The following BAZ2B variants were observed in gnomAD, a reference collection of about 807,000 sequenced individuals.
The protein encoded by BAZ2B is bromodomain adjacent to zinc finger domain protein 2B.
A neutral mutation model predicts 246.0 loss-of-function variants in BAZ2B; 91 were observed. The observed-to-expected ratio is 0.37, with a 90% CI of 0.31 to 0.44. BAZ2B has a LOEUF of 0.44. Ranked by LOEUF, BAZ2B falls within the 20% of genes least tolerant of loss-of-function variation. The pLI, the probability that BAZ2B is intolerant of heterozygous loss-of-function variation, is 1.00. For synonymous variants in BAZ2B, 855 were observed against 860.0 expected, an observed-to-expected ratio of 0.99 and a Z score of 0.10; for missense variants, 2,332 against 2,533.7, an observed-to-expected ratio of 0.92 and a Z score of 1.71.
chr2:159,597,986 A>G (rs1343532569), intron 1 of BAZ2B, among the ~76,000 whole-genome samples: 2 of 112,828 alleles, frequency 1.8e-5, no homozygotes, highest in Non-Finnish European at 3.5e-5. Context: ...AAGACCACAT[A>G]GACGTATTCT....
intron 2 of BAZ2B, among the ~76,000 whole-genome samples, chr2:159,541,741 G>A (rs1277452875): frequency 2.6e-5 from 4 of 152,108 alleles, no homozygotes; most frequent in African/African-American, 7.2e-5. Context: ...CTATTTATCT[G>A]AGTAGTAACC....
In BAZ2B at chr2:159,440,965, A is replaced by G. The variant is rs184854700; in HGVS notation, c.697-1753T>C. 3.2e-3 allele frequency among the ~76,000 whole-genome samples: 483 copies of G among 152,266 alleles called. 1 individual carries two copies. The highest frequency in any genetic ancestry group is 0.011 in the African/African-American group (447 of 41,566). ...GAACGAGAAACTGAATTGGAATTGTATGGGTACCCACACAATGAGAAAGAT... is the reference window on the plus strand; with the variant it reads ...GAACGAGAAACTGAATTGGAATTGTGTGGGTACCCACACAATGAGAAAGAT... On this transcript the variant is annotated intron_variant, in intron 6 of 36. Transcript: ENST00000392783.
At chr2:159,491,074 T>A (rs998473197) in intron 2 of BAZ2B, among the ~76,000 whole-genome samples, 1 of 152,202 alleles carries the variant, frequency 6.6e-6, no homozygotes, top group African/African-American at 2.4e-5. Flanking sequence ...TAAGTTTATA[T>A]AAATTTTACC....
At chr2:159,428,968 T>C (rs1476617667) in intron 11 of BAZ2B, among the ~76,000 whole-genome samples, 2 of 152,144 alleles carry the variant, frequency 1.3e-5, no homozygotes, top group African/African-American at 2.4e-5. Flanking sequence ...GTCATGTTCC[T>C]ACTTGGCTGT....
At chr2:159,551,050 T>C (rs1376982978) in intron 2 of BAZ2B, among the ~76,000 whole-genome samples, 4 of 152,132 alleles carry the variant, frequency 2.6e-5, no homozygotes, top group Non-Finnish European at 4.4e-5. Flanking sequence ...ATTGCCCAGG[T>C]TGGTCTTTAA....
chr2:159,642,489 T>A, the BAZ2B span, among the ~76,000 whole-genome samples: 1 of 152,060 alleles, frequency 6.6e-6, no homozygotes, highest in African/African-American at 2.4e-5. Context: ...TCCACCCGCC[T>A]CGGCCTCCCA....
the BAZ2B span, among the ~76,000 whole-genome samples, chr2:159,679,215 T>C: frequency 3.0e-5 from 4 of 133,160 alleles, no homozygotes; most frequent in South Asian, 2.3e-4. Context: ...GAGCTTGCAA[T>C]GAGCCAAGAT....
At position 159,446,849 on chromosome 2, in the gene BAZ2B, C is replaced by T. The variant is rs201048662; in HGVS notation, c.629G>A (p.Arg210Gln). 70 of 1,613,588 alleles carry T rather than the reference C, an allele frequency of 4.3e-5. No homozygotes were observed. In the East Asian group the frequency reaches 9.8e-4, roughly 23 times the overall value. ...TTTGCTTTGTTCCTGATTACATTTTCGATTTCCTCCACCTGAGCTTGTACT... is the reference window on the plus strand; with the variant it reads ...TTTGCTTTGTTCCTGATTACATTTTTGATTTCCTCCACCTGAGCTTGTACT... The part of the protein sequence containing the change: ...TKSTSSGGGN[R>Q]KCNQEQSKNQ... The change falls in exon 6 of 37, where the codon CGA becomes CAA. Residue 210 changes from arginine (R) to glutamine (Q), a missense_variant. Transcript: ENST00000392783.
intron 1 of BAZ2B, among the ~76,000 whole-genome samples, chr2:159,560,496 G>A (rs1407306566): frequency 1.3e-5 from 2 of 152,024 alleles, no homozygotes; most frequent in Non-Finnish European, 2.9e-5. Context: ...ACATGGAGAA[G>A]TTAAGGACTG....
chr2:159,417,205 C>CT (rs1390742876), intron 13 of BAZ2B, among the ~76,000 whole-genome samples: 1 of 146,492 alleles, frequency 6.8e-6, no homozygotes, highest in African/African-American at 2.5e-5. Context: ...AAGTCTCACT[C>CT]TGTGGCCTAA....
chr2:159,479,480 A>C (rs2079010590), intron 2 of BAZ2B, among the ~76,000 whole-genome samples: 1 of 152,232 alleles, frequency 6.6e-6, no homozygotes, highest in Non-Finnish European at 1.5e-5. Context: ...GAAAGTCATT[A>C]AATTCACAGA....
intron 14 of BAZ2B, among the ~76,000 whole-genome samples, chr2:159,407,298 C>T (rs1370386843): frequency 1.3e-5 from 2 of 151,804 alleles, no homozygotes; most frequent in East Asian, 4.0e-4. Flanking sequence ...ATATGAAGCC[C>T]CCACCCCTAC....
the BAZ2B span, among the ~76,000 whole-genome samples, chr2:159,703,771 G>C: frequency 6.6e-6 from 1 of 152,096 alleles, no homozygotes; most frequent in Non-Finnish European, 1.5e-5. Flanking sequence ...AGGCTGAGGT[G>C]ATAGGATCTC....
At chr2:159,532,115 C>T (rs1278357844) in intron 2 of BAZ2B, among the ~76,000 whole-genome samples, 2 of 151,962 alleles carry the variant, frequency 1.3e-5, no homozygotes, top group Non-Finnish European at 2.9e-5. Flanking sequence ...TATTTTATTT[C>T]CTTAGAAATT....
intron 35 of BAZ2B, 84 bp from the exon 36 acceptor site, chr2:159,325,038 ATAT>A (rs779857992): frequency 0.24 from 7,937 of 32,508 alleles, 1,018 homozygotes; most frequent in Middle Eastern, 0.36. Context: ...GTTATTATAT[ATAT>A]ATTATATATA....
At chr2:159,535,887 A>C (rs79647298) in intron 2 of BAZ2B, among the ~76,000 whole-genome samples, 4,748 of 152,316 alleles carry the variant, frequency 0.031, 251 homozygotes, top group African/African-American at 0.11. Flanking sequence ...CCAGTGCTAA[A>C]CATATCTGTG....
At chr2:159,347,415 A>G (rs1029049718) in intron 31 of BAZ2B, 71 bp downstream of exon 31, 2 of 1,457,580 alleles carry the variant, frequency 1.4e-6, no homozygotes, top group African/African-American at 2.8e-5. Context: ...ACTAGCATAT[A>G]TTAGGCAAGT....
At chr2:159,404,784 C>A in intron 16 of BAZ2B, 65 bp downstream of exon 16, 1 of 1,340,970 alleles carries the variant, frequency 7.5e-7, no homozygotes, top group Non-Finnish European at 1.0e-6. Context: ...AAATAATGTA[C>A]ATTACTAACA....
At chr2:159,552,744 G>A (rs1157831193) in intron 2 of BAZ2B, among the ~76,000 whole-genome samples, 1 of 152,116 alleles carries the variant, frequency 6.6e-6, no homozygotes. Context: ...GGTTTATTAT[G>A]ATTGCCAACA....
Sources: allele counts gnomAD v4.1 joint callset (sites outside exome capture counted in the v4.1 genomes callset), GRCh38; gene constraint gnomAD v4.1.1; transcripts MANE v1.5; gene names NCBI Gene and HGNC (gene_info 2026-07-23, HGNC 2026-07-21).